Variants in TVP23B observed in about 807,000 individuals in gnomAD.
TVP23B encodes the protein trans-golgi network vesicle protein 23 homolog B.
TVP23B carries 10 observed loss-of-function variants against 30.6 expected under a neutral mutation model. The ratio of observed to expected loss-of-function variants is 0.33; its 90% confidence interval spans 0.20 to 0.55. The LOEUF (loss-of-function observed/expected upper bound fraction) is 0.55, where lower values mean the gene tolerates loss of function less well. Ranked by LOEUF, TVP23B falls within the 20% of genes least tolerant of loss-of-function variation. The pLI, the probability that TVP23B is intolerant of heterozygous loss-of-function variation, is 0.91. For missense variants in TVP23B, 153 were observed against 243.2 expected, an observed-to-expected ratio of 0.63 and a Z score of 2.47; for synonymous variants, 67 against 83.1, an observed-to-expected ratio of 0.81 and a Z score of 1.06.
At chr17:18,802,260 T>C (rs1347069605) in intron 5 of TVP23B, among the ~76,000 whole-genome samples, 2 of 152,056 alleles carry the variant, frequency 1.3e-5, no homozygotes, top group Non-Finnish European at 2.9e-5. Flanking sequence ...ATAAATGGGT[T>C]AAGACCACAG....
intron 6 of TVP23B, among the ~76,000 whole-genome samples, chr17:18,805,176 C>T (rs1597625861): frequency 6.6e-6 from 1 of 151,156 alleles, no homozygotes; most frequent in Admixed American, 6.6e-5. Flanking sequence ...GCAAGCTCCG[C>T]CTCCCGGGTT....
intron 1 of TVP23B, among the ~76,000 whole-genome samples, chr17:18,786,275 G>C (rs1010267547): frequency 5.3e-5 from 8 of 151,554 alleles, no homozygotes; most frequent in Admixed American, 5.3e-4. Flanking sequence ...CATATTCACA[G>C]GTTCCAGAGA....
rs1266026345 is a variant in TVP23B at position 18,790,898 on chromosome 17, A to G, written c.98A>G (p.His33Arg). ...TTTCATTGTGTTTTGGTTTTCAGAC[A>G]TCCAGTAGCATCGTTTTTCCACTTA... ...TNRPRKAKIR[H>R]PVASFFHLFF... Residue 33 changes from histidine (H) to arginine (R), a missense_variant and splice_region_variant, in exon 3 of 7, where the codon CAT (histidine) becomes CGT (arginine). His to Arg is a conservative substitution (Grantham distance 29, BLOSUM62 0). Transcript: ENST00000307767. 5 of 1,609,780 alleles carry G rather than the reference A, an allele frequency of 3.1e-6. No individual in the cohort carries two copies. Among genetic ancestry groups the G allele is most frequent in the South Asian group, 1.1e-5 (1 of 90,078 alleles).
chr17:18,793,492 G>A (rs2036028929), intron 3 of TVP23B, among the ~76,000 whole-genome samples: 2 of 149,168 alleles, frequency 1.3e-5, no homozygotes, highest in South Asian at 4.3e-4. Context: ...GCAGGTGCCT[G>A]TAGTCCCAGC....
chr17:18,783,271 A>G, intron 1 of TVP23B, among the ~76,000 whole-genome samples: 1 of 151,874 alleles, frequency 6.6e-6, no homozygotes, highest in Non-Finnish European at 1.5e-5. Context: ...ACGCCCGGCT[A>G]ATTTTTGTAT....
At chr17:18,787,434 T>A (rs2151844020) in intron 1 of TVP23B, among the ~76,000 whole-genome samples, 1 of 149,014 alleles carries the variant, frequency 6.7e-6, no homozygotes, top group Non-Finnish European at 1.5e-5. Flanking sequence ...GTCTTCTAGG[T>A]CCTCCAGCAG....
At position 18,781,310 on chromosome 17, in the gene TVP23B, G is replaced by C; in HGVS notation, c.12+5G>C. 5 of 1,579,700 alleles carry C rather than the reference G, an allele frequency of 3.2e-6. No individual in the cohort carries two copies. Among genetic ancestry groups the C allele is most frequent in the Non-Finnish European group, 4.3e-6 (5 of 1,163,964 alleles). ...AGGGCCGCCATGTTGCAGCAGGTGA[G>C]GGGCTGAGGGCTCGCTGGGAGGGTG... On this transcript the variant is annotated splice_donor_5th_base_variant and intron_variant, in intron 1 of 6. Transcript: ENST00000307767.
chr17:18,801,125 C>T (rs912098532), intron 5 of TVP23B, among the ~76,000 whole-genome samples: 21 of 152,214 alleles, frequency 1.4e-4, no homozygotes, highest in African/African-American at 4.8e-4. Flanking sequence ...GCTAAGGCTT[C>T]TCTCTGTATT....
rs2036244951 is a variant in TVP23B, at chr17:18,805,928, G to A, written c.*361G>A. On this transcript the variant is annotated 3_prime_UTR_variant, in exon 7 of 7. Transcript: ENST00000307767. Reference sequence around the variant, plus strand: ...GCATTTTGATCCATAGAACATAGGAGGATGTTCTTAGTCTGTCTCAAAGCT... The same window carrying A: ...GCATTTTGATCCATAGAACATAGGAAGATGTTCTTAGTCTGTCTCAAAGCT... 1 of 1,006,662 alleles carries A rather than the reference G, an allele frequency of 9.9e-7. No homozygotes were observed. 62.4% of individuals were successfully genotyped at this position (1,006,662 alleles called of 1,614,324 possible). A position where few individuals can be genotyped will look rare whatever the true frequency, so the allele number is the denominator to read the frequency against.
intron 1 of TVP23B, among the ~76,000 whole-genome samples, chr17:18,783,350 C>T (rs903137448): frequency 2.0e-5 from 3 of 152,162 alleles, no homozygotes; most frequent in Non-Finnish European, 4.4e-5. Flanking sequence ...AGGTGATCCA[C>T]CCGCCTCAGC....
At chr17:18,783,140 T>A (rs2035836174) in intron 1 of TVP23B, among the ~76,000 whole-genome samples, 1 of 149,506 alleles carries the variant, frequency 6.7e-6, no homozygotes, top group South Asian at 2.1e-4. Flanking sequence ...AGTTTCACTC[T>A]TGTTGCCCAG....
At chr17:18,804,586 ATGT>A (rs1242703474) in intron 6 of TVP23B, 51 of 979,764 alleles carry the variant, frequency 5.2e-5, no homozygotes, top group Admixed American at 6.7e-5. Context: ...TGTATGTTGT[ATGT>A]TTTTTTTTTT....
At chr17:18,797,371 T>G in intron 3 of TVP23B, 1 of 633,892 alleles carries the variant, frequency 1.6e-6, no homozygotes, top group South Asian at 2.0e-5. Context: ...TGTTGCTTGC[T>G]CTGTCACCTC....
chr17:18,800,272 C>T (rs1567637057), intron 5 of TVP23B, among the ~76,000 whole-genome samples: 1 of 151,950 alleles, frequency 6.6e-6, no homozygotes, highest in Non-Finnish European at 1.5e-5. Context: ...TCCTTTCTCT[C>T]TTGTTTGTTC....
chr17:18,787,058 C>G (rs1466054461), intron 1 of TVP23B, among the ~76,000 whole-genome samples: 1 of 149,902 alleles, frequency 6.7e-6, no homozygotes, highest in Non-Finnish European at 1.5e-5. Flanking sequence ...TACTGTACCA[C>G]TTGGCTGAAT....
intron 3 of TVP23B, among the ~76,000 whole-genome samples, chr17:18,794,426 T>G (rs2036044517): frequency 6.6e-6 from 1 of 152,224 alleles, no homozygotes; most frequent in South Asian, 2.1e-4. Context: ...ACTACATATC[T>G]TGGGTTTAAA....
chr17:18,798,736 T>A (rs1282748108), intron 4 of TVP23B, 76 bp from the exon 5 acceptor site: 3 of 1,551,898 alleles, frequency 1.9e-6, no homozygotes, highest in Non-Finnish European at 2.6e-6. Flanking sequence ...GTGGGTAATA[T>A]GTTTTTTATT....
At chr17:18,783,763 A>G (rs1391575081) in intron 1 of TVP23B, among the ~76,000 whole-genome samples, 1 of 152,174 alleles carries the variant, frequency 6.6e-6, no homozygotes, top group African/African-American at 2.4e-5. Flanking sequence ...TGTTCTAGTA[A>G]TTCTCTTTCT....
chr17:18,791,093 T>A, intron 3 of TVP23B, 53 bp downstream of exon 3: 1 of 1,499,302 alleles, frequency 6.7e-7, no homozygotes, highest in Non-Finnish European at 8.9e-7. Flanking sequence ...AAATGATGTA[T>A]AAAAATATGA....
Sources: allele counts gnomAD v4.1 joint callset (sites outside exome capture counted in the v4.1 genomes callset), GRCh38; gene constraint gnomAD v4.1.1; transcripts MANE v1.5; gene names NCBI Gene and HGNC (gene_info 2026-07-23, HGNC 2026-07-21).